TCEANC2: variants seen among roughly 807,000 people sequenced by gnomAD.
TCEANC2 encodes the protein transcription elongation factor A N-terminal and central domain containing 2, also known as transcription elongation factor A N-terminal and central domain-containing protein 2.
TCEANC2 carries 20 observed loss-of-function variants against 22.8 expected under a neutral mutation model. The ratio of observed to expected loss-of-function variants is 0.88; its 90% CI spans 0.62 to 1.28. The LOEUF is 1.28. TCEANC2 is among the 50% of genes most tolerant of loss of function. The probability of loss-of-function intolerance (pLI) is 0.00; values close to 1 mark genes in which losing one functional copy is unlikely to be tolerated. For missense variants in TCEANC2, 251 were observed against 249.7 expected, an observed-to-expected ratio of 1.01 and a Z score of -0.03; for synonymous variants, 84 against 95.5, an observed-to-expected ratio of 0.88 and a Z score of 0.70.
intron 3 of TCEANC2, among the ~76,000 whole-genome samples, chr1:54,077,601 C>T (rs971185171): frequency 6.6e-6 from 1 of 152,160 alleles, no homozygotes; most frequent in African/African-American, 2.4e-5. Context: ...GCCCTTATCT[C>T]AGTTTGTAAT....
chr1:54,103,233 G>C lies in TCEANC2; in HGVS notation c.*6760G>C, dbSNP rs1040249447. ...AAACAGCAACCATGGTGGTGTAGTAGTCCATTTTCACACTGCTATAAAGAT... is the reference window on the plus strand; with the variant it reads ...AAACAGCAACCATGGTGGTGTAGTACTCCATTTTCACACTGCTATAAAGAT... On this transcript the variant is annotated 3_prime_UTR_variant, in exon 5 of 5. Transcript: ENST00000234827. 6.6e-6 allele frequency: 1 copy of C among 152,244 alleles called. No individual in the cohort carries two copies. Among genetic ancestry groups the C allele is most frequent in the African/African-American group, 2.4e-5 (1 of 41,420 alleles). 9.4% of individuals were successfully genotyped at this position (152,244 alleles called of 1,614,324 possible).
intron 3 of TCEANC2, 83 bp from the exon 4 acceptor site, chr1:54,088,514 G>A: frequency 8.8e-7 from 1 of 1,140,170 alleles, no homozygotes; most frequent in Non-Finnish European, 1.2e-6. Flanking sequence ...CTTTCTCAGT[G>A]CCACACGTCA....
chr1:54,067,925 T>C (rs1407588788), intron 2 of TCEANC2, among the ~76,000 whole-genome samples: 3 of 152,318 alleles, frequency 2.0e-5, no homozygotes, highest in East Asian at 3.9e-4. Flanking sequence ...CAAGATGAGA[T>C]TTTTTTGTGT....
chr1:54,064,591 TG>T (rs1430223242), intron 2 of TCEANC2, among the ~76,000 whole-genome samples: 2 of 152,086 alleles, frequency 1.3e-5, no homozygotes, highest in African/African-American at 4.8e-5. Context: ...CCTATGCAAA[TG>T]TTTGATTGGT....
chr1:54,064,671 TTTGTTGG>T (rs747584066), intron 2 of TCEANC2, among the ~76,000 whole-genome samples: 59 of 151,548 alleles, frequency 3.9e-4, no homozygotes, highest in Non-Finnish European at 6.9e-4. Flanking sequence ...AGCGACCGGT[TTTGTTGG>T]TTGTGCATTT....
Position 54,104,410 on chromosome 1 carries a change from A to T in TCEANC2, c.*7937A>T, listed in dbSNP as rs1557697534. Reference sequence around the variant, plus strand: ...AGACTACTAGGCAAGAACAGTCACCATTCTTTGAGGGATAATTAATCCTGA... The same window carrying T: ...AGACTACTAGGCAAGAACAGTCACCTTTCTTTGAGGGATAATTAATCCTGA... On this transcript the variant is annotated 3_prime_UTR_variant, in exon 5 of 5. Coordinates refer to ENST00000234827, the MANE Select transcript of TCEANC2 (RefSeq NM_153035.3). 9.6e-6 allele frequency: 3 copies of T among 312,216 alleles called. No homozygotes were observed. The East Asian group carries it at 2.4e-4, about 25-fold the overall frequency. 19.3% of individuals were successfully genotyped at this position (312,216 alleles called of 1,614,324 possible). A position where few individuals can be genotyped will look rare whatever the true frequency, so the allele number is the denominator to read the frequency against.
intron 3 of TCEANC2, among the ~76,000 whole-genome samples, chr1:54,069,586 C>T (rs538081234): frequency 5.0e-4 from 72 of 144,340 alleles, no homozygotes; most frequent in Non-Finnish European, 9.0e-4. Flanking sequence ...CCAGCCTGGG[C>T]GACTCAGACT....
At chr1:54,085,033 TTCC>T (rs898348985) in intron 3 of TCEANC2, among the ~76,000 whole-genome samples, 1 of 152,206 alleles carries the variant, frequency 6.6e-6, no homozygotes, top group Non-Finnish European at 1.5e-5. Flanking sequence ...GTGCTCTGCA[TTCC>T]TCCTCCTCTT....
At chr1:54,074,331 C>T (rs753672592) in intron 3 of TCEANC2, among the ~76,000 whole-genome samples, 7 of 152,046 alleles carry the variant, frequency 4.6e-5, no homozygotes, top group Non-Finnish European at 1.0e-4. Context: ...GGCATGGTGG[C>T]GGACGCCTGT....
chr1:54,058,585 C>T (rs1388354417), intron 2 of TCEANC2, among the ~76,000 whole-genome samples: 4 of 152,208 alleles, frequency 2.6e-5, no homozygotes, highest in African/African-American at 7.2e-5. Context: ...GTGCGCTTAT[C>T]GTCTCATACC....
In TCEANC2 at chr1:54,101,455, G is replaced by A. The variant is rs1034586664; in HGVS notation, c.*4982G>A. 1 of 152,182 alleles carries A rather than the reference G, an allele frequency of 6.6e-6. No homozygotes were observed. 9.4% of individuals were successfully genotyped at this position (152,182 alleles called of 1,614,324 possible). On this transcript the variant is annotated 3_prime_UTR_variant, in exon 5 of 5. Transcript: ENST00000234827. ...GGAGGTTGGTTTCAAGATCCAAGAAGATCAAGACATCCAATCAAATGCTGG... is the reference window on the plus strand; with the variant it reads ...GGAGGTTGGTTTCAAGATCCAAGAAAATCAAGACATCCAATCAAATGCTGG...
chr1:54,071,478 A>G (rs138580809), intron 3 of TCEANC2, among the ~76,000 whole-genome samples: 1,666 of 152,288 alleles, frequency 0.011, 16 homozygotes, highest in Middle Eastern at 0.044. Flanking sequence ...GGAGCTGCTC[A>G]TGACATGGCA....
At chr1:54,063,500 ATCT>A (rs1486571996) in intron 2 of TCEANC2, among the ~76,000 whole-genome samples, 1 of 152,140 alleles carries the variant, frequency 6.6e-6, no homozygotes, top group African/African-American at 2.4e-5. Flanking sequence ...CTCTATATAG[ATCT>A]TCTTGTATAG....
At chr1:54,071,147 T>C (rs1410088141) in intron 3 of TCEANC2, among the ~76,000 whole-genome samples, 1 of 152,212 alleles carries the variant, frequency 6.6e-6, no homozygotes, top group African/African-American at 2.4e-5. Flanking sequence ...CTGGACCAGA[T>C]GGAGAAGGTT....
Position 54,089,876 on chromosome 1 carries a change from C to T in TCEANC2, c.438+1086C>T, listed in dbSNP as rs151082728. 40 of 626,004 alleles carry T rather than the reference C, an allele frequency of 6.4e-5. 1 individual carries two copies. The highest frequency in any genetic ancestry group is 5.1e-4 in the East Asian group (17 of 33,350). 38.8% of individuals were successfully genotyped at this position (626,004 alleles called of 1,614,324 possible). On this transcript the variant is annotated intron_variant, in intron 4 of 4. Transcript: ENST00000234827. ...TCACCATGTTCCTCTTGGTCAAAAA[C>T]GCACCAAGTCGTCTCCAAGTTTGAA... is the stretch of plus-strand genomic sequence containing the variant.
intron 3 of TCEANC2, among the ~76,000 whole-genome samples, chr1:54,088,326 G>A (rs1027577809): frequency 6.6e-6 from 1 of 151,858 alleles, no homozygotes; most frequent in East Asian, 1.9e-4. Context: ...AGTAATTTTT[G>A]GTTAAAGAAG....
rs534787368 is a variant in TCEANC2, at chr1:54,101,316, G to T, written c.*4843G>T. ...AGCTTTGGGAGTTTCAGTTAGTTGG[G>T]TGACACTACCCTGGTATCAAAGGAA... On this transcript the variant is annotated 3_prime_UTR_variant, in exon 5 of 5. Coordinates refer to ENST00000234827, the MANE Select transcript of TCEANC2 (RefSeq NM_153035.3). 1 of 152,296 alleles carries T rather than the reference G, an allele frequency of 6.6e-6. No individual in the cohort carries two copies. Among genetic ancestry groups the T allele is most frequent in the Admixed American group, 6.5e-5 (1 of 15,302 alleles). The allele number at this position is 152,296 out of a possible 1,614,324, so 9.4% of individuals were successfully genotyped here.
chr1:54,073,268 G>C (rs572618799), intron 3 of TCEANC2, among the ~76,000 whole-genome samples: 3 of 152,240 alleles, frequency 2.0e-5, no homozygotes, highest in Admixed American at 2.0e-4. Flanking sequence ...TGCCCAGCCT[G>C]TATTTCTATC....
intron 4 of TCEANC2, among the ~76,000 whole-genome samples, chr1:54,092,364 C>A (rs1192800946): frequency 6.6e-6 from 1 of 152,190 alleles, no homozygotes; most frequent in Non-Finnish European, 1.5e-5. Flanking sequence ...GCAGTTAAAT[C>A]TGATGGGGGA....
Sources: gnomAD v4.1 joint callset for allele counts (sites outside exome capture counted in the v4.1 genomes callset) on GRCh38, gnomAD v4.1.1 for gene constraint, MANE v1.5 for transcripts, NCBI Gene and HGNC (gene_info 2026-07-23, HGNC 2026-07-21) for gene names.